ENPP3: variants seen among roughly 807,000 people sequenced by gnomAD.
The protein encoded by ENPP3 is ectonucleotide pyrophosphatase/phosphodiesterase 3, also known as ectonucleotide pyrophosphatase/phosphodiesterase family member 3.
ENPP3 carries 104 observed loss-of-function variants against 117.8 expected under a neutral mutation model. The ratio of observed to expected loss-of-function variants is 0.88; its 90% CI spans 0.75 to 1.04. ENPP3 has a LOEUF of 1.04. Ranked by LOEUF, ENPP3 falls within the 50% of genes least tolerant of loss-of-function variation. ENPP3 has a pLI of 0.00. For synonymous variants in ENPP3, 380 were observed against 349.9 expected, an observed-to-expected ratio of 1.09 and a Z score of -0.96; for missense variants, 1,026 against 1,051.9, an observed-to-expected ratio of 0.98 and a Z score of 0.34.
chr6:131,720,175 T>C, intron 16 of ENPP3, 117 bp from the exon 17 acceptor site: 1 of 582,240 alleles, frequency 1.7e-6, no homozygotes, highest in Non-Finnish European at 3.0e-6. Context: ...AAAAATTCCT[T>C]ACAGAGGCCT....
In ENPP3 at chr6:131,702,897, AG is replaced by A. The variant is rs1449932866; in HGVS notation, c.1412+9274del. On this transcript the variant is annotated intron_variant, in intron 15 of 24. Transcript: ENST00000357639. Reference sequence around the variant, plus strand: ...TTTTCCTACCACCATTCCAAGGATAAGTATTATGCTCATGTTGAAAAAATAA... The same window carrying A: ...TTTTCCTACCACCATTCCAAGGATAATATTATGCTCATGTTGAAAAAATAA... 1.9e-3 allele frequency among the ~76,000 whole-genome samples: 267 copies of A among 140,194 alleles called. 1 individual carries two copies. Among genetic ancestry groups the A allele is most frequent in the African/African-American group, 7.1e-3 (259 of 36,672 alleles). 92.0% of individuals were successfully genotyped at this position (140,194 alleles called of 152,430 possible).
Position 131,658,394 on chromosome 6 carries a change from C to T in ENPP3, c.536C>T (p.Thr179Ile), listed in dbSNP as rs1339243944. The change falls in exon 6 of 25, where the codon ACT becomes ATT. Residue 179 changes from threonine to isoleucine, a missense_variant. By Grantham distance (89) the Thr-to-Ile change is moderately conservative (BLOSUM62 -1). Transcript: ENST00000357639. ...GCTGAATATTTATACACATGGGATA[C>T]TTTAATGCCAAATATCAATAAACTG... ...FRAEYLYTWD[T>I]LMPNINKLKT... 2 of 1,581,966 alleles carry T rather than the reference C, an allele frequency of 1.3e-6. No individual in the cohort carries two copies. Among genetic ancestry groups the T allele is most frequent in the Non-Finnish European group, 1.7e-6 (2 of 1,151,038 alleles).
At chr6:131,678,994 C>T (rs1249040538) in intron 11 of ENPP3, among the ~76,000 whole-genome samples, 6 of 100,962 alleles carry the variant, frequency 5.9e-5, no homozygotes, top group African/African-American at 1.8e-4. Context: ...TCCTTCCTTC[C>T]TTCCTTGCTT....
rs1218386476 is a variant in ENPP3, at chr6:131,738,036, T to C, written c.2173T>C (p.Trp725Arg). ...VPMYEEFRKM[W>R]DYFHSVLLIK... is the part of the protein sequence containing the mutation. Reference sequence around the variant, plus strand: ...CTTTATGATTTTATTTTTAGAAATGTGGGACTACTTCCACAGTGTTCTTCT... The same window carrying C: ...CTTTATGATTTTATTTTTAGAAATGCGGGACTACTTCCACAGTGTTCTTCT... The change falls in exon 23 of 25, where the codon TGG becomes CGG. Residue 725 changes from tryptophan to arginine, a missense_variant. Coordinates refer to ENST00000357639, the MANE Select transcript of ENPP3 (RefSeq NM_005021.5). 4 of 1,587,442 alleles carry C rather than the reference T, an allele frequency of 2.5e-6. No homozygotes were observed. The highest frequency in any genetic ancestry group is 3.4e-6 in the Non-Finnish European group (4 of 1,166,478).
chr6:131,663,058 T>C (rs1197968520), intron 6 of ENPP3, among the ~76,000 whole-genome samples: 2 of 152,072 alleles, frequency 1.3e-5, no homozygotes, highest in Non-Finnish European at 2.9e-5. Context: ...CTAAATAAAT[T>C]TATTTAGAGC....
At chr6:131,682,959 A>T (rs1779057200) in intron 11 of ENPP3, 95 bp from the exon 12 acceptor site, 1 of 771,324 alleles carries the variant, frequency 1.3e-6, no homozygotes, top group Admixed American at 2.1e-5. Flanking sequence ...GCAATTTCAG[A>T]GATGGAGATG....
chr6:131,681,167 A>T (rs1240410895), intron 11 of ENPP3, among the ~76,000 whole-genome samples: 2 of 152,172 alleles, frequency 1.3e-5, no homozygotes, highest in Non-Finnish European at 2.9e-5. Context: ...AAGGCCAGGA[A>T]AGCATCTTGG....
At chr6:131,649,016 G>T (rs1362699501) in intron 2 of ENPP3, among the ~76,000 whole-genome samples, 3 of 152,054 alleles carry the variant, frequency 2.0e-5, no homozygotes, top group Non-Finnish European at 2.9e-5. Context: ...CAGTGCCTTT[G>T]CCTTACATTT....
intron 14 of ENPP3, among the ~76,000 whole-genome samples, chr6:131,688,223 T>G (rs1295155400): frequency 6.6e-6 from 1 of 152,198 alleles, no homozygotes; most frequent in Non-Finnish European, 1.5e-5. Context: ...AAATATTACA[T>G]GCGTGCTGAT....
chr6:131,638,513 C>T (rs1029461361), intron 1 of ENPP3: 2 of 453,014 alleles, frequency 4.4e-6, no homozygotes, highest in African/African-American at 2.0e-5. Context: ...AAGTGATCCT[C>T]CTGCCTCAGC....
chr6:131,637,554 A>T, intron 1 of ENPP3, 92 bp downstream of exon 1: 1 of 694,072 alleles, frequency 1.4e-6, no homozygotes, highest in East Asian at 2.9e-5. Context: ...TGTTGCTATT[A>T]AAATGTAAAC....
chr6:131,718,124 T>C lies in ENPP3; in HGVS notation c.1413-548T>C, dbSNP rs775731677. Among the ~76,000 whole-genome samples the C allele has an allele frequency of 1.7e-4, 26 of 152,204 alleles. 1 individual carries two copies. The highest frequency in any genetic ancestry group is 1.5e-3 in the Admixed American group (23 of 15,284). ...CCTTAAGCAACGCATGACTGGATTA[T>C]AATTAACTTGCCCTGCCTATTCTTT... On this transcript the variant is annotated intron_variant, in intron 15 of 24. Transcript: ENST00000357639.
intron 11 of ENPP3, 51 bp downstream of exon 11, chr6:131,677,991 C>T (rs772765730): frequency 2.0e-5 from 22 of 1,100,098 alleles, no homozygotes; most frequent in Middle Eastern, 2.1e-4. Flanking sequence ...ATCATCTAAC[C>T]CTAACCCACA....
chr6:131,740,420 A>C, intron 24 of ENPP3, 40 bp downstream of exon 24: 1 of 1,425,472 alleles, frequency 7.0e-7, no homozygotes, highest in Admixed American at 2.6e-5. Context: ...CGAGAAAATG[A>C]GTCAGAGCTC....
intron 12 of ENPP3, among the ~76,000 whole-genome samples, chr6:131,684,599 A>G (rs763474555): frequency 6.6e-5 from 10 of 151,952 alleles, no homozygotes; most frequent in Non-Finnish European, 1.3e-4. Context: ...GAATCACTTG[A>G]ACCCGGGAAG....
intron 24 of ENPP3, 129 bp from the exon 25 acceptor site, chr6:131,746,657 C>G: frequency 1.5e-6 from 1 of 672,704 alleles, no homozygotes; most frequent in East Asian, 3.0e-5. Context: ...CTAAATTTAG[C>G]TGTATCAAAT....
At chr6:131,728,837 A>C (rs1400239393) in intron 20 of ENPP3, among the ~76,000 whole-genome samples, 1 of 152,216 alleles carries the variant, frequency 6.6e-6, no homozygotes, top group African/African-American at 2.4e-5. Flanking sequence ...AGCTGATTCA[A>C]AACCATTAAG....
In ENPP3 at chr6:131,717,536, A is replaced by G. The variant is rs780929125; in HGVS notation, c.1413-1136A>G. On this transcript the variant is annotated intron_variant, in intron 15 of 24. Coordinates refer to ENST00000357639, the MANE Select transcript of ENPP3 (RefSeq NM_005021.5). Reference sequence around the variant, plus strand: ...GACTCAGTATAACATTGTTGCTTTAAAAGATCTAGGTTCATTTATCGCTAT... The same window carrying G: ...GACTCAGTATAACATTGTTGCTTTAGAAGATCTAGGTTCATTTATCGCTAT... Among the ~76,000 whole-genome samples, 60 of 152,202 alleles carry G rather than the reference A, an allele frequency of 3.9e-4. 1 individual carries two copies. Among genetic ancestry groups the G allele is most frequent in the Non-Finnish European group, 3.7e-4 (25 of 68,022 alleles).
chr6:131,713,228 G>A (rs1234457459), intron 15 of ENPP3, among the ~76,000 whole-genome samples: 1 of 141,772 alleles, frequency 7.1e-6, no homozygotes, highest in African/African-American at 2.9e-5. Flanking sequence ...CCAGCCATGT[G>A]GAACTGTGAG....
Sources: allele counts gnomAD v4.1 joint callset (sites outside exome capture counted in the v4.1 genomes callset), GRCh38; gene constraint gnomAD v4.1.1; transcripts MANE v1.5; gene names NCBI Gene and HGNC (gene_info 2026-07-23, HGNC 2026-07-21).